Variants in ADAMTS19 observed in about 807,000 individuals in gnomAD.
ADAMTS19 encodes A disintegrin and metalloproteinase with thrombospondin motifs 19.
In ADAMTS19, 93 loss-of-function variants were observed where a neutral mutation model predicts 153.3. The observed-to-expected ratio is 0.61, with a 90% CI of 0.51 to 0.72. The LOEUF (loss-of-function observed/expected upper bound fraction) is 0.72, where lower values mean the gene tolerates loss of function less well. ADAMTS19 is among the 30% of genes least tolerant of loss of function. ADAMTS19 has a pLI of 0.00. For synonymous variants in ADAMTS19, 600 were observed against 556.6 expected, an observed-to-expected ratio of 1.08 and a Z score of -1.10; for missense variants, 1,482 against 1,552.1, an observed-to-expected ratio of 0.95 and a Z score of 0.76.
chr5:129,620,662 G>C lies in ADAMTS19; in HGVS notation c.1523G>C (p.Gly508Ala), dbSNP rs1471070382. The C allele has an allele frequency of 6.2e-7, 1 of 1,612,514 alleles. No individual in the cohort carries two copies. The highest frequency in any genetic ancestry group is 8.5e-7 in the Non-Finnish European group (1 of 1,178,966). The change falls in exon 9 of 23, where the codon GGT (glycine) becomes GCT (alanine). Residue 508 changes from glycine (G) to alanine (A), a missense_variant. Physicochemically the swap from Gly to Ala is moderately conservative, Grantham distance 60. Around this residue, in one of 2 missense-constraint regions of ADAMTS19, gnomAD observed 866 missense variants for 827.7 expected, o/e 1.05. Transcript: ENST00000274487. ...AATGACCACCCATCGTGTGCTGATGGTCTTCATATCATGTCTGGTGAATGG... is the reference window on the plus strand; with the variant it reads ...AATGACCACCCATCGTGTGCTGATGCTCTTCATATCATGTCTGGTGAATGG... The part of the protein sequence containing the change: ...HDNDHPSCAD[G>A]LHIMSGEWIK...
chr5:129,737,441 G>C lies in ADAMTS19; in HGVS notation c.*223G>C. 1 of 308,000 alleles carries C rather than the reference G, an allele frequency of 3.2e-6. No individual in the cohort carries two copies. The highest frequency in any genetic ancestry group is 5.7e-6 in the Non-Finnish European group (1 of 174,812). The allele number at this position is 308,000 out of a possible 1,614,324, so 19.1% of individuals were successfully genotyped here. On this transcript the variant is annotated 3_prime_UTR_variant, in exon 23 of 23. Coordinates refer to ENST00000274487, the MANE Select transcript of ADAMTS19 (RefSeq NM_133638.6). Reference sequence around the variant, plus strand: ...TAAATAATTTTATATGAATGAATTAGTTGGATCCAGTAATATAATAAAAAG... The same window carrying C: ...TAAATAATTTTATATGAATGAATTACTTGGATCCAGTAATATAATAAAAAG...
intron 6 of ADAMTS19, among the ~76,000 whole-genome samples, chr5:129,547,323 G>A (rs1031340256): frequency 6.6e-6 from 1 of 150,742 alleles, no homozygotes; most frequent in Non-Finnish European, 1.5e-5. Context: ...GCTTTCAGAG[G>A]GAACATGATA....
At chr5:129,576,202 C>T (rs1487624320) in intron 7 of ADAMTS19, among the ~76,000 whole-genome samples, 2 of 152,052 alleles carry the variant, frequency 1.3e-5, no homozygotes, top group Non-Finnish European at 2.9e-5. Context: ...GAAATCACCA[C>T]TGCTGCTCCT....
intron 10 of ADAMTS19, 121 bp downstream of exon 10, chr5:129,622,469 A>G: frequency 8.9e-7 from 1 of 1,119,010 alleles, no homozygotes; most frequent in Non-Finnish European, 1.2e-6. Flanking sequence ...TAAAAGAAGG[A>G]TTTTCTAAGA....
chr5:129,527,938 C>A (rs1752074063), intron 5 of ADAMTS19, 107 bp downstream of exon 5: 14 of 659,702 alleles, frequency 2.1e-5, no homozygotes, highest in Non-Finnish European at 2.6e-5. Context: ...CCAGAAATAT[C>A]CACTGAATCA....
chr5:129,553,451 C>A (rs1753203352), intron 7 of ADAMTS19, among the ~76,000 whole-genome samples: 1 of 152,090 alleles, frequency 6.6e-6, no homozygotes, highest in South Asian at 2.1e-4. Flanking sequence ...TAATTGAGTA[C>A]CTCAGTGTGT....
At chr5:129,657,481 C>T (rs1425941073) in intron 14 of ADAMTS19, among the ~76,000 whole-genome samples, 1 of 152,172 alleles carries the variant, frequency 6.6e-6, no homozygotes, top group Non-Finnish European at 1.5e-5. Context: ...TACTGACATA[C>T]TAAATCCTGC....
At chr5:129,610,180 T>C (rs934716255) in intron 8 of ADAMTS19, among the ~76,000 whole-genome samples, 6 of 151,994 alleles carry the variant, frequency 3.9e-5, no homozygotes, top group African/African-American at 1.4e-4. Flanking sequence ...ATGTGAAGGG[T>C]GTAGAAGTTA....
At chr5:129,707,760 A>G (rs1756232757) in intron 21 of ADAMTS19, among the ~76,000 whole-genome samples, 1 of 152,184 alleles carries the variant, frequency 6.6e-6, no homozygotes. Flanking sequence ...AGTTTCACGC[A>G]AAGTCTGCCC....
intron 5 of ADAMTS19, 121 bp downstream of exon 5, chr5:129,527,952 A>G (rs1163175832): frequency 1.5e-5 from 9 of 587,164 alleles, no homozygotes; most frequent in Non-Finnish European, 2.7e-5. Flanking sequence ...TGAATCACTT[A>G]AAGTATACAT....
intron 2 of ADAMTS19, among the ~76,000 whole-genome samples, chr5:129,507,397 T>G (rs73242260): frequency 0.05 from 7,613 of 152,140 alleles, 260 homozygotes; most frequent in African/African-American, 0.092. Flanking sequence ...TAATTTTATC[T>G]TTAATATTTT....
At chr5:129,726,042 CTTG>C (rs1392825337) in intron 21 of ADAMTS19, among the ~76,000 whole-genome samples, 1 of 152,064 alleles carries the variant, frequency 6.6e-6, no homozygotes, top group African/African-American at 2.4e-5. Context: ...TTCCTTGTGT[CTTG>C]TTGTTTGTCT....
At chr5:129,691,860 G>A (rs564933941) in intron 18 of ADAMTS19, among the ~76,000 whole-genome samples, 10 of 152,098 alleles carry the variant, frequency 6.6e-5, no homozygotes, top group African/African-American at 1.9e-4. Flanking sequence ...ATCTCAGTAC[G>A]TAAGCAGTAG....
intron 21 of ADAMTS19, among the ~76,000 whole-genome samples, chr5:129,719,953 T>A (rs1756908281): frequency 6.6e-6 from 1 of 151,948 alleles, no homozygotes; most frequent in African/African-American, 2.4e-5. Flanking sequence ...AGCGGGAGAA[T>A]CACTTGAACC....
chr5:129,461,510 A>G lies in ADAMTS19; in HGVS notation c.500A>G (p.Asp167Gly), dbSNP rs957045666. 2.6e-6 allele frequency: 4 copies of G among 1,511,652 alleles called. No individual in the cohort carries two copies. The African/African-American group carries it at 5.7e-5, about 22-fold the overall frequency. 93.6% of individuals were successfully genotyped at this position (1,511,652 alleles called of 1,614,324 possible). A position where few individuals can be genotyped will look rare whatever the true frequency, so the allele number is the denominator to read the frequency against. Residue 167 changes from aspartate (D) to glycine (G), a missense_variant, in exon 2 of 23, where the codon GAT becomes GGT. Asp to Gly is a moderately conservative substitution (Grantham distance 94, BLOSUM62 -1). Transcript: ENST00000274487. The surrounding 1 kb of genome is among the most constrained non-coding windows in gnomAD (Gnocchi z 4.6). ...SPPPAQHAEPDGDEVLLRIPA... is the reference protein window; with the variant it reads ...SPPPAQHAEPGGDEVLLRIPA... ...CCCCCGGCCCAGCATGCCGAGCCGG[A>G]TGGCGACGAAGTGTTGCTGCGGATC...
At chr5:129,631,456 T>C (rs1440604502) in intron 10 of ADAMTS19, among the ~76,000 whole-genome samples, 1 of 151,982 alleles carries the variant, frequency 6.6e-6, no homozygotes, top group African/African-American at 2.4e-5. Context: ...TATCCTACTA[T>C]GACTGCAATT....
intron 8 of ADAMTS19, among the ~76,000 whole-genome samples, chr5:129,597,336 C>G (rs1392598210): frequency 6.6e-6 from 1 of 152,096 alleles, no homozygotes; most frequent in Non-Finnish European, 1.5e-5. Flanking sequence ...TGTAAGTACT[C>G]ACAACAATTT....
chr5:129,720,361 G>T (rs888427601), intron 21 of ADAMTS19, among the ~76,000 whole-genome samples: 1 of 151,158 alleles, frequency 6.6e-6, no homozygotes, highest in African/African-American at 2.4e-5. Context: ...AGTAGAAACA[G>T]GGTTTCACCA....
At chr5:129,618,979 A>G (rs1022812707) in intron 8 of ADAMTS19, among the ~76,000 whole-genome samples, 8 of 152,080 alleles carry the variant, frequency 5.3e-5, no homozygotes, top group African/African-American at 1.9e-4. Flanking sequence ...ACCAAAAGTA[A>G]AAATTTATAA....
Sources: allele counts gnomAD v4.1 joint callset (sites outside exome capture counted in the v4.1 genomes callset), GRCh38; gene constraint gnomAD v4.1.1; regional missense constraint gnomAD v4.1.1; non-coding constraint Gnocchi (gnomAD v3.1); transcripts MANE v1.5; gene names NCBI Gene and HGNC (gene_info 2026-07-23, HGNC 2026-07-21).